The following KAZN variants were observed in gnomAD, a reference collection of about 807,000 sequenced individuals.
KAZN encodes the protein kazrin.
In KAZN, 40 loss-of-function variants were observed where a neutral mutation model predicts 87.4. The ratio of observed to expected loss-of-function variants is 0.46; its 90% CI spans 0.36 to 0.60. The LOEUF is 0.60. Among genes scored for constraint, KAZN ranks in the 20% least tolerant of loss-of-function variants. The pLI is 0.00. For missense variants in KAZN, 898 were observed against 1,073.9 expected (o/e 0.84, Z 2.29); for synonymous variants, 466 against 458.3 (o/e 1.02, Z -0.22).
At chr1:14,872,851 G>A (rs1253883989) in intron 1 of KAZN, among the ~76,000 whole-genome samples, 1 of 151,904 alleles carries the variant, frequency 6.6e-6, no homozygotes, top group Non-Finnish European at 1.5e-5. Flanking sequence ...TGTACAGACG[G>A]ATACATAGAT....
chr1:14,781,918 G>A (rs917802763), intron 1 of KAZN, among the ~76,000 whole-genome samples: 1 of 152,136 alleles, frequency 6.6e-6, no homozygotes, highest in Admixed American at 6.6e-5. Context: ...TGAATTCCAC[G>A]ATCCATGTTC....
At chr1:15,044,735 A>G (rs1181394876) in intron 4 of KAZN, among the ~76,000 whole-genome samples, 2 of 151,684 alleles carry the variant, frequency 1.3e-5, no homozygotes, top group African/African-American at 4.8e-5. Flanking sequence ...TCAAACAAAA[A>G]AAAAAAAAGG....
At chr1:14,174,485 C>G (rs1489048216) in intron 1 of KAZN, among the ~76,000 whole-genome samples, 1 of 152,056 alleles carries the variant, frequency 6.6e-6, no homozygotes, top group Non-Finnish European at 1.5e-5. Context: ...AGCAGTTTTG[C>G]GGATTATACA....
intron 1 of KAZN, among the ~76,000 whole-genome samples, chr1:14,703,774 G>A (rs1395944164): frequency 1.3e-5 from 2 of 152,206 alleles, no homozygotes; most frequent in African/African-American, 4.8e-5. Flanking sequence ...CAGCTACTCA[G>A]GAGGCCAAAC....
At chr1:14,701,470 ACT>A (rs1050534162) in intron 1 of KAZN, among the ~76,000 whole-genome samples, 26 of 151,966 alleles carry the variant, frequency 1.7e-4, no homozygotes, top group African/African-American at 6.3e-4. Context: ...CCCTGCACAC[ACT>A]CTCCACCAGG....
At chr1:14,308,971 C>A (rs973499168) in intron 2 of KAZN, among the ~76,000 whole-genome samples, 2 of 152,168 alleles carry the variant, frequency 1.3e-5, no homozygotes, top group East Asian at 3.8e-4. Flanking sequence ...ATGTGTTTAA[C>A]AAGAATTAAT....
At chr1:14,748,340 G>A (rs950416344) in intron 1 of KAZN, among the ~76,000 whole-genome samples, 36 of 152,160 alleles carry the variant, frequency 2.4e-4, no homozygotes, top group African/African-American at 7.5e-4. Context: ...ATTCATTGGC[G>A]TTTCCTCTGG....
intron 1 of KAZN, among the ~76,000 whole-genome samples, chr1:14,161,009 T>C (rs1231806069): frequency 6.6e-6 from 1 of 152,246 alleles, no homozygotes; most frequent in Non-Finnish European, 1.5e-5. Flanking sequence ...CTGAAACTAT[T>C]TCCCTGATGG....
intron 1 of KAZN, among the ~76,000 whole-genome samples, chr1:14,758,372 C>T (rs747992079): frequency 1.6e-4 from 24 of 152,000 alleles, no homozygotes; most frequent in Admixed American, 6.5e-4. Context: ...GGGGTCTTGC[C>T]GTGTTGCCCA....
At chr1:14,456,136 A>T (rs897972233) in intron 2 of KAZN, among the ~76,000 whole-genome samples, 1 of 152,234 alleles carries the variant, frequency 6.6e-6, no homozygotes, top group Non-Finnish European at 1.5e-5. Flanking sequence ...GCACCTTCGT[A>T]TTTGTGTGTT....
chr1:14,335,143 C>G (rs58300372), intron 2 of KAZN, among the ~76,000 whole-genome samples: 2 of 148,602 alleles, frequency 1.3e-5, no homozygotes, highest in Non-Finnish European at 3.0e-5. Context: ...TGAATGAGTT[C>G]TTGCTCTGTG....
intron 1 of KAZN, among the ~76,000 whole-genome samples, chr1:14,676,794 G>A (rs1207551909): frequency 1.3e-5 from 2 of 152,154 alleles, no homozygotes; most frequent in African/African-American, 4.8e-5. Context: ...CAGGAGCTAT[G>A]GGGAGGGGAG....
Position 14,419,108 on chromosome 1 carries a change from T to C in KAZN, c.250-179875T>C, listed in dbSNP as rs564222907. 2.0e-4 allele frequency among the ~76,000 whole-genome samples: 31 copies of C among 152,332 alleles called. 1 individual carries two copies. In the South Asian group the frequency reaches 6.4e-3, roughly 32 times the overall value. ...GCATTTTCAATAGAAAAAGTTTATC[T>C]CTTGGTAGCACCCCATCTTTACAAA... On this transcript the variant is annotated intron_variant, in intron 2 of 16. Transcript: ENST00000636203.
intron 1 of KAZN, among the ~76,000 whole-genome samples, chr1:13,982,530 A>C (rs966910103): frequency 2.6e-5 from 4 of 152,200 alleles, no homozygotes; most frequent in African/African-American, 4.8e-5. Context: ...CTTCCACAGC[A>C]TGGAAAGCGA....
chr1:14,489,253 A>G (rs1669515567), intron 2 of KAZN, among the ~76,000 whole-genome samples: 2 of 148,446 alleles, frequency 1.3e-5, no homozygotes, highest in Admixed American at 7.0e-5. Context: ...CACGGGTAAC[A>G]TTTTGGGACT....
At chr1:14,847,127 A>G (rs1648872784) in intron 1 of KAZN, among the ~76,000 whole-genome samples, 1 of 152,220 alleles carries the variant, frequency 6.6e-6, no homozygotes, top group Non-Finnish European at 1.5e-5. Context: ...TGTTTCTAGC[A>G]CAATAAAAAT....
intron 10 of KAZN, among the ~76,000 whole-genome samples, chr1:15,098,937 G>A (rs539328095): frequency 3.2e-4 from 49 of 152,322 alleles, no homozygotes; most frequent in Admixed American, 2.0e-3. Flanking sequence ...GGAGCTGACC[G>A]TCCAGTGAGG....
intron 8 of KAZN, among the ~76,000 whole-genome samples, chr1:15,088,208 C>T (rs1344324253): frequency 1.3e-5 from 2 of 152,218 alleles, no homozygotes; most frequent in Non-Finnish European, 2.9e-5. Flanking sequence ...ATGGGCATGG[C>T]TGTGATCTAA....
In KAZN at chr1:15,066,857, A is replaced by T. The variant is rs2100572816; in HGVS notation, c.1222+1104A>T. The T allele has an allele frequency of 2.0e-6, 2 of 985,342 alleles. No homozygotes were observed. Among genetic ancestry groups the T allele is most frequent in the South Asian group, 4.7e-5 (1 of 21,282 alleles). 61.0% of individuals were successfully genotyped at this position (985,342 alleles called of 1,614,324 possible). A position where few individuals can be genotyped will look rare whatever the true frequency, so the allele number is the denominator to read the frequency against. On this transcript the variant is annotated intron_variant, in intron 8 of 14. Transcript: ENST00000376030. The surrounding 1 kb of genome is among the most constrained non-coding windows in gnomAD (Gnocchi z 4.3). The stretch of plus-strand genomic sequence containing the variant: ...CATTCTCCTGCCCATGCATGAAAGG[A>T]TCCTCCACCTTCTTCCCACCCAGAG...
Sources: allele counts gnomAD v4.1 joint callset (sites outside exome capture counted in the v4.1 genomes callset), GRCh38; gene constraint gnomAD v4.1.1; non-coding constraint Gnocchi (gnomAD v3.1); transcripts MANE v1.5; gene names NCBI Gene and HGNC (gene_info 2026-07-23, HGNC 2026-07-21).